Variants in ANKRD30BL observed in about 807,000 individuals in gnomAD.
ANKRD30BL encodes the protein putative ankyrin repeat domain-containing protein 30B-like.
Under a neutral mutation model 18.4 loss-of-function variants are expected in ANKRD30BL, and 20 were observed. That is an observed-to-expected ratio of 1.09 (90% CI 0.77 to 1.58). The LOEUF is 1.58. ANKRD30BL is among the 40% of genes most tolerant of loss of function. ANKRD30BL has a pLI of 0.00. For missense variants in ANKRD30BL, 224 were observed against 268.6 expected (o/e 0.83, Z 1.16); for synonymous variants, 72 against 100.9 (o/e 0.71, Z 1.72).
intron 1 of ANKRD30BL, among the ~76,000 whole-genome samples, chr2:132,189,233 C>T (rs1678793477): frequency 6.6e-6 from 1 of 152,100 alleles, no homozygotes. Flanking sequence ...TGTAGGTAGG[C>T]ATAAGTAAGA....
chr2:132,189,829 G>A (rs1678809319), intron 1 of ANKRD30BL, among the ~76,000 whole-genome samples: 1 of 152,066 alleles, frequency 6.6e-6, no homozygotes, highest in Non-Finnish European at 1.5e-5. Flanking sequence ...ACTTGTCCCA[G>A]CAAAATAATC....
chr2:132,210,613 A>ACTTT (rs1012052309), intron 1 of ANKRD30BL, among the ~76,000 whole-genome samples: 1 of 144,886 alleles, frequency 6.9e-6, no homozygotes, highest in Admixed American at 6.9e-5. Flanking sequence ...CAGAATTGAA[A>ACTTT]CTTTCTTTTG....
chr2:132,208,179 T>C (rs1679247608), intron 1 of ANKRD30BL, among the ~76,000 whole-genome samples: 1 of 152,108 alleles, frequency 6.6e-6, no homozygotes, highest in Non-Finnish European at 1.5e-5. Context: ...TCCAAAACGT[T>C]TCTCTTTCTC....
chr2:132,215,447 T>C (rs1679473710), intron 1 of ANKRD30BL, among the ~76,000 whole-genome samples: 1 of 152,224 alleles, frequency 6.6e-6, no homozygotes, highest in Non-Finnish European at 1.5e-5. Context: ...GATTAAGCAG[T>C]TCTGAAAAAC....
chr2:132,186,642 CTGTTATG>C (rs1412916848), intron 1 of ANKRD30BL, among the ~76,000 whole-genome samples: 1 of 152,100 alleles, frequency 6.6e-6, no homozygotes, highest in African/African-American at 2.4e-5. Flanking sequence ...TAAATGTATA[CTGTTATG>C]TGTTATGTGG....
At chr2:132,241,408 C>A (rs76021828) in intron 1 of ANKRD30BL, among the ~76,000 whole-genome samples, 1 of 151,722 alleles carries the variant, frequency 6.6e-6, no homozygotes, top group Non-Finnish European at 1.5e-5. Flanking sequence ...ATTCAACTCA[C>A]AGAGTTGAAC....
chr2:132,165,561 A>AAAG (rs1467334497), upstream of ANKRD30BL, among the ~76,000 whole-genome samples: 1 of 150,830 alleles, frequency 6.6e-6, no homozygotes, highest in Admixed American at 6.6e-5. Context: ...TAAAATACAA[A>AAAG]AAAAAAAAAA....
chr2:132,232,192 C>T (rs1194570738), intron 1 of ANKRD30BL, among the ~76,000 whole-genome samples: 6 of 152,176 alleles, frequency 3.9e-5, no homozygotes, highest in Non-Finnish European at 7.3e-5. Flanking sequence ...TGTACATCAC[C>T]ATCATCAAAG....
intron 1 of ANKRD30BL, among the ~76,000 whole-genome samples, chr2:132,159,242 A>C (rs62161663): frequency 0.12 from 17,985 of 152,088 alleles, 1,265 homozygotes; most frequent in East Asian, 0.23. Flanking sequence ...TTCAGTGGTC[A>C]CATATTATCC....
At chr2:132,170,219 C>T (rs1688253885) in intron 1 of ANKRD30BL, among the ~76,000 whole-genome samples, 1 of 152,114 alleles carries the variant, frequency 6.6e-6, no homozygotes, top group Non-Finnish European at 1.5e-5. Context: ...AGGACTTTCT[C>T]CTTAGTTCAG....
At chr2:132,226,334 G>A (rs112001300) in intron 1 of ANKRD30BL, among the ~76,000 whole-genome samples, 6 of 150,614 alleles carry the variant, frequency 4.0e-5, no homozygotes, top group African/African-American at 2.5e-5. Context: ...TGAGGCCTAT[G>A]GTGGAAAAGG....
intron 1 of ANKRD30BL, among the ~76,000 whole-genome samples, chr2:132,183,152 T>G (rs1688503553): frequency 6.9e-6 from 1 of 144,176 alleles, no homozygotes; most frequent in Admixed American, 6.9e-5. Flanking sequence ...TTTTTTTTTT[T>G]GAGAGTCTTG....
At chr2:132,250,143 G>A (rs1680613106) in intron 1 of ANKRD30BL, among the ~76,000 whole-genome samples, 2 of 152,152 alleles carry the variant, frequency 1.3e-5, no homozygotes, top group Admixed American at 1.3e-4. Flanking sequence ...CTTCTATCTA[G>A]TTTTTATGTG....
chr2:132,207,187 C>G (rs1317664516), intron 1 of ANKRD30BL, among the ~76,000 whole-genome samples: 2 of 151,894 alleles, frequency 1.3e-5, no homozygotes, highest in Non-Finnish European at 2.9e-5. Flanking sequence ...AGGAGGGGAG[C>G]CGCTTAAGAT....
intron 1 of ANKRD30BL, among the ~76,000 whole-genome samples, chr2:132,225,365 T>C (rs1461542053): frequency 1.3e-5 from 2 of 152,146 alleles, no homozygotes; most frequent in Non-Finnish European, 2.9e-5. Flanking sequence ...AACTTCTTTG[T>C]GATGTTTGCC....
At chr2:132,186,606 G>T (rs993150926) in intron 1 of ANKRD30BL, among the ~76,000 whole-genome samples, 1 of 152,088 alleles carries the variant, frequency 6.6e-6, no homozygotes, top group Non-Finnish European at 1.5e-5. Context: ...TTAAAAAGTA[G>T]TCTAATTCTA....
intron 1 of ANKRD30BL, among the ~76,000 whole-genome samples, chr2:132,186,784 T>C (rs1688567634): frequency 1.3e-5 from 2 of 152,336 alleles, no homozygotes; most frequent in African/African-American, 4.8e-5. Flanking sequence ...AGTCACTGAC[T>C]GAAGGGCATT....
chr2:132,166,837 T>C (rs1261183351), upstream of ANKRD30BL, among the ~76,000 whole-genome samples: 2 of 152,206 alleles, frequency 1.3e-5, no homozygotes, highest in East Asian at 3.9e-4. Context: ...TTTCCCTTGT[T>C]ATTTACTTTG....
intron 5 of ANKRD30BL, 124 bp from the exon 6 acceptor site, chr2:132,148,352 C>CTTTTTTCTTTTT (rs1687665377): frequency 6.6e-6 from 1 of 151,090 alleles, no homozygotes; most frequent in Non-Finnish European, 1.2e-5. Context: ...TTGTTTTCTC[C>CTTTTTTCTTTTT]TTTTTTTTTT....
Sources: gnomAD v4.1 joint callset for allele counts (sites outside exome capture counted in the v4.1 genomes callset) on GRCh38, gnomAD v4.1.1 for gene constraint, MANE v1.5 for transcripts, NCBI Gene and HGNC (gene_info 2026-07-23, HGNC 2026-07-21) for gene names.